The following CHRM3 variants were observed in gnomAD, a reference collection of about 807,000 sequenced individuals.
CHRM3 encodes cholinergic receptor muscarinic 3, also known as muscarinic acetylcholine receptor M3.
A neutral mutation model predicts 41.8 loss-of-function variants in CHRM3; 11 were observed. The observed-to-expected ratio is 0.26, with a 90% CI of 0.17 to 0.44. The LOEUF is 0.44. Among genes scored for constraint, CHRM3 ranks in the 20% least tolerant of loss-of-function variants. CHRM3 has a pLI of 1.00. For missense variants in CHRM3, 571 were observed against 745.4 expected, an observed-to-expected ratio of 0.77 and a Z score of 2.72; for synonymous variants, 297 against 301.4, an observed-to-expected ratio of 0.99 and a Z score of 0.15.
At chr1:239,841,163 G>A (rs2149162854) in intron 6 of CHRM3, among the ~76,000 whole-genome samples, 1 of 152,280 alleles carries the variant, frequency 6.6e-6, no homozygotes, top group Non-Finnish European at 1.5e-5. Flanking sequence ...CATAAAAGTT[G>A]AGAATGACTT....
chr1:239,500,889 A>G (rs887737247), intron 2 of CHRM3, among the ~76,000 whole-genome samples: 11 of 152,064 alleles, frequency 7.2e-5, no homozygotes, highest in African/African-American at 2.7e-4. Flanking sequence ...AGATTCACCT[A>G]ACACATAAGG....
At chr1:239,616,623 C>A (rs1345668716) in intron 3 of CHRM3, among the ~76,000 whole-genome samples, 2 of 152,202 alleles carry the variant, frequency 1.3e-5, no homozygotes, top group Non-Finnish European at 2.9e-5. Context: ...GCCGTACCAG[C>A]AGTATTATAT....
At chr1:239,585,730 CAG>C (rs1170794567) in intron 3 of CHRM3, among the ~76,000 whole-genome samples, 1 of 152,084 alleles carries the variant, frequency 6.6e-6, no homozygotes, top group Non-Finnish European at 1.5e-5. Context: ...ATACTTTAAG[CAG>C]AGAGATAAAA....
chr1:239,475,601 A>T (rs573667972), intron 1 of CHRM3, among the ~76,000 whole-genome samples: 11 of 152,170 alleles, frequency 7.2e-5, no homozygotes, highest in Non-Finnish European at 1.5e-4. Context: ...TGAATTTAAA[A>T]CTAAAGAAAT....
intron 1 of CHRM3, among the ~76,000 whole-genome samples, chr1:239,442,486 A>G (rs906287850): frequency 1.1e-4 from 17 of 151,908 alleles, no homozygotes; most frequent in Admixed American, 3.9e-4. Flanking sequence ...AAAAATTTTC[A>G]GGGTGAAAGA....
intron 6 of CHRM3, among the ~76,000 whole-genome samples, chr1:239,829,553 T>C (rs1316336955): frequency 6.6e-6 from 1 of 152,222 alleles, no homozygotes; most frequent in Non-Finnish European, 1.5e-5. Flanking sequence ...AAAAAGCATG[T>C]ATTTTCAGAT....
In CHRM3 at chr1:239,912,180, C is replaced by G. The variant is rs990273181; in HGVS notation, c.*2956C>G. 5.4e-5 allele frequency: 9 copies of G among 166,916 alleles called. No homozygotes were observed. Among genetic ancestry groups the G allele is most frequent in the Non-Finnish European group, 1.3e-4 (9 of 68,132 alleles). 10.3% of individuals were successfully genotyped at this position (166,916 alleles called of 1,614,324 possible). On this transcript the variant is annotated 3_prime_UTR_variant, in exon 7 of 7. Coordinates refer to ENST00000676153, the MANE Select transcript of CHRM3 (RefSeq NM_001375978.1). ...TCTTTCTCCCTCTTCTTCCTTCTCT[C>G]TCTCTCACAAGCACACACACACACA...
At chr1:239,502,528 C>T (rs1206920288) in intron 2 of CHRM3, among the ~76,000 whole-genome samples, 1 of 152,138 alleles carries the variant, frequency 6.6e-6, no homozygotes, top group Non-Finnish European at 1.5e-5. Flanking sequence ...GGTACCAATC[C>T]TTTTGATACT....
chr1:239,546,931 G>A (rs1262079700), intron 3 of CHRM3, among the ~76,000 whole-genome samples: 1 of 152,050 alleles, frequency 6.6e-6, no homozygotes, highest in African/African-American at 2.4e-5. Context: ...CTTTAGCTAG[G>A]AGAATACAGC....
At chr1:239,728,280 A>G (rs2148400089) in intron 5 of CHRM3, among the ~76,000 whole-genome samples, 1 of 152,094 alleles carries the variant, frequency 6.6e-6, no homozygotes, top group South Asian at 2.1e-4. Flanking sequence ...TCCCCTTTGA[A>G]TGAGATTAGG....
At chr1:239,507,089 A>T (rs1300492894) in intron 2 of CHRM3, among the ~76,000 whole-genome samples, 1 of 152,086 alleles carries the variant, frequency 6.6e-6, no homozygotes, top group African/African-American at 2.4e-5. Flanking sequence ...GTTGTTTTTG[A>T]TGGGACATTG....
chr1:239,442,797 C>T (rs938926936), intron 1 of CHRM3, among the ~76,000 whole-genome samples: 2 of 152,156 alleles, frequency 1.3e-5, no homozygotes, highest in Non-Finnish European at 2.9e-5. Context: ...ACAAAATGCT[C>T]ATTTCACACT....
chr1:239,874,321 A>ATATATC (rs1558199371), intron 6 of CHRM3, among the ~76,000 whole-genome samples: 14 of 103,748 alleles, frequency 1.3e-4, no homozygotes, highest in South Asian at 3.3e-4. Context: ...ATATATATAT[A>ATATATC]TATATACACA....
At chr1:239,744,681 C>A (rs560548862) in intron 5 of CHRM3, among the ~76,000 whole-genome samples, 1 of 152,254 alleles carries the variant, frequency 6.6e-6, no homozygotes, top group Non-Finnish European at 1.5e-5. Flanking sequence ...TTTCATTTTA[C>A]GTGCTCATTG....
intron 1 of CHRM3, among the ~76,000 whole-genome samples, chr1:239,407,259 G>A (rs965110705): frequency 2.6e-5 from 4 of 151,984 alleles, no homozygotes; most frequent in Non-Finnish European, 4.4e-5. Flanking sequence ...AGTGGCATGC[G>A]TCACTTTCAT....
At chr1:239,477,810 G>A (rs1402105087) in intron 1 of CHRM3, among the ~76,000 whole-genome samples, 2 of 152,178 alleles carry the variant, frequency 1.3e-5, no homozygotes. Context: ...GAGTCCAAAG[G>A]CTGCAGAGGA....
At chr1:239,420,052 G>A (rs1206554465) in intron 1 of CHRM3, among the ~76,000 whole-genome samples, 1 of 152,156 alleles carries the variant, frequency 6.6e-6, no homozygotes, top group Non-Finnish European at 1.5e-5. Context: ...TTTAAGACAA[G>A]GTCTTCCTTC....
chr1:239,552,619 CCTGA>C (rs1558313302), intron 3 of CHRM3, among the ~76,000 whole-genome samples: 2 of 124,462 alleles, frequency 1.6e-5, no homozygotes, highest in African/African-American at 5.7e-5. Flanking sequence ...ATGCTCCACA[CCTGA>C]CTAATATTAT....
chr1:239,697,569 G>A (rs1469150496), intron 5 of CHRM3, among the ~76,000 whole-genome samples: 1 of 152,190 alleles, frequency 6.6e-6, no homozygotes, highest in Non-Finnish European at 1.5e-5. Context: ...GGATAGAAAG[G>A]AGATGGGTTT....
Sources: allele counts gnomAD v4.1 joint callset (sites outside exome capture counted in the v4.1 genomes callset), GRCh38; gene constraint gnomAD v4.1.1; transcripts MANE v1.5; gene names NCBI Gene and HGNC (gene_info 2026-07-23, HGNC 2026-07-21).